Variants in ZNF578 observed in about 807,000 individuals in gnomAD.
ZNF578 encodes zinc finger protein 578, also known as Putative chemokine-related protein B42.
ZNF578 carries 8 observed loss-of-function variants against 8.3 expected under a neutral mutation model. That is an observed-to-expected ratio of 0.96 (90% confidence interval 0.56 to 1.74). The LOEUF (loss-of-function observed/expected upper bound fraction) is 1.74. Among genes scored for constraint, ZNF578 ranks in the 40% most tolerant of loss-of-function variants. The probability of loss-of-function intolerance (pLI) is 0.00; values close to 1 mark genes in which losing one functional copy is unlikely to be tolerated. For missense variants in ZNF578, 726 were observed against 707.5 expected, an observed-to-expected ratio of 1.03 and a Z score of -0.30; for synonymous variants, 206 against 232.2, an observed-to-expected ratio of 0.89 and a Z score of 1.03.
intron 5 of ZNF578, among the ~76,000 whole-genome samples, chr19:52,509,598 C>A (rs2059437225): frequency 1.3e-5 from 2 of 152,076 alleles, no homozygotes; most frequent in Non-Finnish European, 2.9e-5. Context: ...GAAACCCGGT[C>A]TCTACCAAAA....
intron 5 of ZNF578, among the ~76,000 whole-genome samples, chr19:52,508,149 A>C (rs1396721319): frequency 6.6e-6 from 1 of 151,780 alleles, no homozygotes; most frequent in East Asian, 2.0e-4. Flanking sequence ...GATCGAGACC[A>C]TCCTGGCCAA....
At chr19:52,507,149 A>C (rs367432) in intron 5 of ZNF578, among the ~76,000 whole-genome samples, 28,396 of 152,144 alleles carry the variant, frequency 0.19, 2,906 homozygotes, top group Non-Finnish European at 0.23. Context: ...ATATTTTGGG[A>C]GGCCGAGATG....
At chr19:52,471,155 C>T (rs1024764172) in intron 2 of ZNF578, among the ~76,000 whole-genome samples, 1 of 152,190 alleles carries the variant, frequency 6.6e-6, no homozygotes, top group Non-Finnish European at 1.5e-5. Flanking sequence ...TTCCGGCACA[C>T]CCTGCAGAAC....
At position 52,513,187 on chromosome 19, in the gene ZNF578, A is replaced by AT. The variant is rs1052160670; in HGVS notation, c.*1039dup. On this transcript the variant is annotated 3_prime_UTR_variant, in exon 6 of 6. Coordinates refer to ENST00000421239, the MANE Select transcript of ZNF578 (RefSeq NM_001099694.2). Reference sequence around the variant, plus strand: ...AGGTATATGCCACGACGCCTGGCTAATTTTTTGTATTTTTAGTAGGGAAAG... The same window carrying AT: ...AGGTATATGCCACGACGCCTGGCTAATTTTTTTGTATTTTTAGTAGGGAAAG... Among the ~76,000 whole-genome samples, 5 of 151,526 alleles carry AT rather than the reference A, an allele frequency of 3.3e-5. No individual in the cohort carries two copies. The highest frequency in any genetic ancestry group is 9.7e-5 in the African/African-American group (4 of 41,222).
chr19:52,504,594 C>T (rs975894583), intron 4 of ZNF578, 61 bp from the exon 5 acceptor site: 6 of 1,606,106 alleles, frequency 3.7e-6, no homozygotes, highest in East Asian at 4.5e-5. Context: ...TTTCTCATTT[C>T]CTGTGAAGGT....
chr19:52,513,512 C>A lies in ZNF578; in HGVS notation c.*1358C>A, dbSNP rs896537717. Among the ~76,000 whole-genome samples, 27 of 150,968 alleles carry A rather than the reference C, an allele frequency of 1.8e-4. No homozygotes were observed. The highest frequency in any genetic ancestry group is 3.3e-4 in the Non-Finnish European group (22 of 67,680). The stretch of plus-strand genomic sequence containing the variant: ...TTGGGAGGCCAAGGCAGGCAGATAA[C>A]AAAGTCAGGAGATTGAGACCGTCCT... On this transcript the variant is annotated 3_prime_UTR_variant, in exon 6 of 6. Coordinates refer to ENST00000421239, the MANE Select transcript of ZNF578 (RefSeq NM_001099694.2).
chr19:52,505,515 G>C (rs917751382), intron 5 of ZNF578, among the ~76,000 whole-genome samples: 2 of 151,950 alleles, frequency 1.3e-5, no homozygotes, highest in African/African-American at 2.4e-5. Context: ...TCCGCCTCCC[G>C]GGTTCAAGCC....
chr19:52,500,521 C>T (rs1027576599), intron 3 of ZNF578, among the ~76,000 whole-genome samples: 1 of 151,732 alleles, frequency 6.6e-6, no homozygotes, highest in African/African-American at 2.4e-5. Context: ...ATTCTCCTCC[C>T]TCAGCTTCCC....
At position 52,511,674 on chromosome 19, in the gene ZNF578, C is replaced by T. The variant is rs879002398; in HGVS notation, c.1293C>T (p.Asp431=). The T allele has an allele frequency of 1.9e-6, 3 of 1,611,888 alleles. No individual in the cohort carries two copies. Among genetic ancestry groups the T allele is most frequent in the African/African-American group, 1.3e-5 (1 of 74,214 alleles). ...HTGEKPYKCN[D]CGKAFIHQSS... The stretch of plus-strand genomic sequence containing the variant: ...GAGAGAAACCTTACAAGTGTAATGA[C>T]TGTGGTAAGGCTTTTATTCATCAGT... Residue 431 remains aspartate, a synonymous_variant, in exon 6 of 6, where the codon GAC becomes GAT. Transcript: ENST00000421239.
At chr19:52,476,102 T>A (rs1287225191) in intron 2 of ZNF578, among the ~76,000 whole-genome samples, 2 of 146,778 alleles carry the variant, frequency 1.4e-5, no homozygotes, top group African/African-American at 5.2e-5. Flanking sequence ...TATGTAAGGG[T>A]ATAGTAAAAA....
chr19:52,499,490 T>A (rs2059398813), intron 3 of ZNF578, among the ~76,000 whole-genome samples: 1 of 152,030 alleles, frequency 6.6e-6, no homozygotes, highest in African/African-American at 2.4e-5. Context: ...ACTTCCTAAA[T>A]CCCCAAACAC....
chr19:52,483,853 G>A (rs1341302650), intron 2 of ZNF578, among the ~76,000 whole-genome samples: 1 of 152,076 alleles, frequency 6.6e-6, no homozygotes, highest in African/African-American at 2.4e-5. Context: ...CATATGAAGG[G>A]GGTGGCCTGC....
intron 3 of ZNF578, among the ~76,000 whole-genome samples, chr19:52,498,210 GCAGTGA>G (rs1197128889): frequency 2.0e-5 from 3 of 152,134 alleles, no homozygotes; most frequent in African/African-American, 7.2e-5. Flanking sequence ...AGGCTGGAGT[GCAGTGA>G]CATGATCTCA....
intron 2 of ZNF578, among the ~76,000 whole-genome samples, chr19:52,475,957 C>T (rs532120159): frequency 6.6e-6 from 1 of 152,144 alleles, no homozygotes; most frequent in South Asian, 2.1e-4. Context: ...TCCTTTCATG[C>T]CCTTCCTACA....
intron 3 of ZNF578, among the ~76,000 whole-genome samples, chr19:52,495,831 A>G (rs2059383880): frequency 6.6e-6 from 1 of 152,020 alleles, no homozygotes; most frequent in South Asian, 2.1e-4. Context: ...GACTTGACTC[A>G]TTCGTTGTGG....
At chr19:52,457,500 TGTGAACCCCA>T (rs1467551283) in intron 2 of ZNF578, 1 of 152,158 alleles carries the variant, frequency 6.6e-6, no homozygotes, top group Non-Finnish European at 1.5e-5. Context: ...GAGGGGGTCG[TGTGAACCCCA>T]GTTTGAAGCT....
At chr19:52,508,015 C>T (rs1376402943) in intron 5 of ZNF578, among the ~76,000 whole-genome samples, 8 of 151,918 alleles carry the variant, frequency 5.3e-5, no homozygotes, top group Non-Finnish European at 1.2e-4. Context: ...TACCATTGCT[C>T]TCCAGCCTGG....
rs1333096272 is a variant in ZNF578 at position 52,459,766 on chromosome 19, TA to T, written c.-122+2809del. On this transcript the variant is annotated intron_variant, in intron 2 of 5. Transcript: ENST00000421239. ...GTGTGTGTGTGTATATATATATATA[TA>T]TATTTTTTTTTTTTTTTTTTTTTTT... Among the ~76,000 whole-genome samples the T allele has an allele frequency of 5.3e-4, 21 of 39,700 alleles. 7 individuals are homozygous for T. The East Asian group carries it at 8.8e-3, about 17-fold the overall frequency. 26.0% of individuals were successfully genotyped at this position (39,700 alleles called of 152,430 possible). A position where few individuals can be genotyped will look rare whatever the true frequency, so the allele number is the denominator to read the frequency against.
intron 2 of ZNF578, among the ~76,000 whole-genome samples, chr19:52,467,768 T>C (rs1291550209): frequency 6.6e-6 from 1 of 152,164 alleles, no homozygotes; most frequent in East Asian, 1.9e-4. Flanking sequence ...ATATACAACA[T>C]TAATACATTT....
Sources: gnomAD v4.1 joint callset for allele counts (sites outside exome capture counted in the v4.1 genomes callset) on GRCh38, gnomAD v4.1.1 for gene constraint, MANE v1.5 for transcripts, NCBI Gene and HGNC (gene_info 2026-07-23, HGNC 2026-07-21) for gene names.